MAGI1: variants seen among roughly 807,000 people sequenced by gnomAD.
MAGI1 encodes membrane-associated guanylate kinase, WW and PDZ domain-containing protein 1.
In MAGI1, 58 loss-of-function variants were observed where a neutral mutation model predicts 139.9. That is an observed-to-expected ratio of 0.41 (90% confidence interval 0.34 to 0.52). The LOEUF is 0.52. Ranked by LOEUF, MAGI1 falls within the 20% of genes least tolerant of loss-of-function variation. The probability of loss-of-function intolerance (pLI) is 0.12; values close to 1 mark genes in which losing one functional copy is unlikely to be tolerated. For synonymous variants in MAGI1, 812 were observed against 737.9 expected, an observed-to-expected ratio of 1.10 and a Z score of -1.63; for missense variants, 1,874 against 1,901.6, an observed-to-expected ratio of 0.99 and a Z score of 0.27.
intron 1 of MAGI1, among the ~76,000 whole-genome samples, chr3:65,849,011 T>C (rs1241177160): frequency 2.6e-5 from 2 of 77,192 alleles, no homozygotes; most frequent in Non-Finnish European, 5.3e-5. Context: ...CTTTTTTTTT[T>C]TTTTTTTTTT....
intron 2 of MAGI1, among the ~76,000 whole-genome samples, chr3:65,555,094 A>G (rs2080022400): frequency 6.6e-6 from 1 of 152,226 alleles, no homozygotes; most frequent in African/African-American, 2.4e-5. Context: ...ATAAATGGGA[A>G]CACGCCATAC....
At chr3:65,437,900 T>A (rs929222158) in intron 9 of MAGI1, among the ~76,000 whole-genome samples, 1 of 150,884 alleles carries the variant, frequency 6.6e-6, no homozygotes, top group African/African-American at 2.4e-5. Flanking sequence ...CATTAAAAAA[T>A]TTTTAGACAA....
intron 1 of MAGI1, among the ~76,000 whole-genome samples, chr3:65,996,553 GGA>G (rs1431768498): frequency 5.3e-5 from 7 of 131,764 alleles, no homozygotes; most frequent in South Asian, 2.5e-4. Context: ...GGGGGGGGGG[GGA>G]AGCGAGCCCC....
At chr3:65,772,975 TG>T (rs2038078356) in intron 1 of MAGI1, among the ~76,000 whole-genome samples, 1 of 152,132 alleles carries the variant, frequency 6.6e-6, no homozygotes, top group Non-Finnish European at 1.5e-5. Context: ...TCTGCAGAAC[TG>T]GGTGAAGATA....
chr3:65,712,038 G>T (rs1021167607), intron 1 of MAGI1, among the ~76,000 whole-genome samples: 1 of 152,144 alleles, frequency 6.6e-6, no homozygotes, highest in Non-Finnish European at 1.5e-5. Flanking sequence ...GAAAGAGAGG[G>T]TGTTTCTCCA....
At chr3:65,476,221 T>A (rs965821188) in intron 4 of MAGI1, among the ~76,000 whole-genome samples, 1 of 152,152 alleles carries the variant, frequency 6.6e-6, no homozygotes. Context: ...AGGTACACTG[T>A]TGTAAGTGAG....
At chr3:65,838,405 C>T (rs2058699640) in intron 1 of MAGI1, among the ~76,000 whole-genome samples, 2 of 152,200 alleles carry the variant, frequency 1.3e-5, no homozygotes, top group South Asian at 4.1e-4. Context: ...ACACACCTCT[C>T]CACAACATGC....
intron 1 of MAGI1, among the ~76,000 whole-genome samples, chr3:65,650,207 T>C (rs887032954): frequency 6.6e-6 from 1 of 152,192 alleles, no homozygotes; most frequent in Non-Finnish European, 1.5e-5. Context: ...GAAGGCCTCT[T>C]GACCCTGGAC....
At chr3:65,825,104 T>C (rs891620099) in intron 1 of MAGI1, among the ~76,000 whole-genome samples, 1 of 152,198 alleles carries the variant, frequency 6.6e-6, no homozygotes, top group East Asian at 1.9e-4. Flanking sequence ...AGAAAGCATA[T>C]TGGTCTGAGA....
chr3:65,485,248 CT>C (rs1216404695), intron 3 of MAGI1, among the ~76,000 whole-genome samples: 4 of 152,164 alleles, frequency 2.6e-5, no homozygotes, highest in African/African-American at 9.7e-5. Context: ...GCAATACTTT[CT>C]TTTTACTCTT....
intron 5 of MAGI1, among the ~76,000 whole-genome samples, chr3:65,459,855 G>A (rs1019219763): frequency 6.6e-6 from 1 of 152,066 alleles, no homozygotes; most frequent in African/African-American, 2.4e-5. Context: ...GCTCAGAGAA[G>A]TTAAGACTGC....
intron 4 of MAGI1, among the ~76,000 whole-genome samples, chr3:65,477,035 A>G (rs911197598): frequency 6.6e-6 from 1 of 152,230 alleles, no homozygotes; most frequent in Non-Finnish European, 1.5e-5. Flanking sequence ...ACATGATCCA[A>G]TCCTAGCGAG....
intron 1 of MAGI1, among the ~76,000 whole-genome samples, chr3:65,637,745 G>C (rs1006213990): frequency 6.6e-6 from 1 of 152,114 alleles, no homozygotes; most frequent in Admixed American, 6.5e-5. Flanking sequence ...TTTAGGGCTG[G>C]GAACACAGGT....
At position 65,952,596 on chromosome 3, in the gene MAGI1, C is replaced by A. The variant is rs150228790; in HGVS notation, c.313+85400G>T. 3.8e-3 allele frequency among the ~76,000 whole-genome samples: 576 copies of A among 152,254 alleles called. 3 individuals carry two copies. Among genetic ancestry groups the A allele is most frequent in the African/African-American group, 0.013 (545 of 41,550 alleles). On this transcript the variant is annotated intron_variant, in intron 1 of 22. Coordinates refer to ENST00000402939, the MANE Select transcript of MAGI1 (RefSeq NM_001033057.2). ...TTGGGAGGCCGAGGCGGGTGGATCA[C>A]GAGATCAGGAGATCAAGATCATCCT...
chr3:65,989,151 G>C (rs1451014430), intron 1 of MAGI1, among the ~76,000 whole-genome samples: 1 of 152,172 alleles, frequency 6.6e-6, no homozygotes, highest in Non-Finnish European at 1.5e-5. Context: ...TCAAAGCACT[G>C]TCACTGCCTT....
At chr3:66,006,639 A>C (rs2067028939) in intron 1 of MAGI1, among the ~76,000 whole-genome samples, 2 of 152,192 alleles carry the variant, frequency 1.3e-5, no homozygotes, top group South Asian at 4.1e-4. Context: ...CAGAACTTTA[A>C]GGAGGTTTCT....
intron 12 of MAGI1, among the ~76,000 whole-genome samples, chr3:65,404,825 C>T (rs896051688): frequency 6.6e-6 from 1 of 152,184 alleles, no homozygotes; most frequent in African/African-American, 2.4e-5. Flanking sequence ...TCCCTACCAG[C>T]CAGGCCATAG....
chr3:65,724,123 G>A (rs963402510), intron 1 of MAGI1, among the ~76,000 whole-genome samples: 3 of 152,210 alleles, frequency 2.0e-5, no homozygotes, highest in Non-Finnish European at 2.9e-5. Flanking sequence ...ACATGTCCTC[G>A]AGCTTTCTTC....
intron 1 of MAGI1, among the ~76,000 whole-genome samples, chr3:65,657,647 G>A (rs1216407874): frequency 6.6e-6 from 1 of 152,096 alleles, no homozygotes; most frequent in Non-Finnish European, 1.5e-5. Flanking sequence ...ACAACATCAC[G>A]AAAGTTTAAA....
Sources: allele counts gnomAD v4.1 joint callset (sites outside exome capture counted in the v4.1 genomes callset), GRCh38; gene constraint gnomAD v4.1.1; transcripts MANE v1.5; gene names NCBI Gene and HGNC (gene_info 2026-07-23, HGNC 2026-07-21).